The following MYO7A variants were observed in gnomAD, a reference collection of about 807,000 sequenced individuals.
The protein encoded by MYO7A is myosin VIIA, also known as unconventional myosin-VIIa.
MYO7A carries 210 observed loss-of-function variants against 263.8 expected under a neutral mutation model. That is an observed-to-expected ratio of 0.80 (90% confidence interval 0.71 to 0.89). MYO7A has a LOEUF of 0.89. MYO7A is among the 40% of genes least tolerant of loss of function. The pLI is 0.00. For missense variants in MYO7A, 2,820 were observed against 2,968.3 expected (o/e 0.95, Z 1.16); for synonymous variants, 1,239 against 1,197.3 (o/e 1.03, Z -0.72).
chr11:77,132,643 C>T (rs953721032), intron 2 of MYO7A, among the ~76,000 whole-genome samples: 1 of 152,144 alleles, frequency 6.6e-6, no homozygotes, highest in Admixed American at 6.5e-5. Context: ...CACCCGTCAC[C>T]ACGTCCAACT....
rs1591266081 is a variant in MYO7A at position 77,156,048 on chromosome 11, T to C, written c.427T>C (p.Phe143Leu). 6.2e-7 allele frequency: 1 copy of C among 1,613,990 alleles called. No homozygotes were observed. Among genetic ancestry groups the C allele is most frequent in the Non-Finnish European group, 8.5e-7 (1 of 1,179,894 alleles). Residue 143 changes from phenylalanine (F) to leucine (L), a missense_variant, in exon 5 of 49, where the codon TTC (phenylalanine) becomes CTC (leucine). Physicochemically the swap from Phe to Leu is conservative, Grantham distance 22. Transcript: ENST00000409709. ...CTTTGCCATTGCTGACAACTGCTACTTCAACATGAAACGCAACAGCCGAGA... is the reference window on the plus strand; with the variant it reads ...CTTTGCCATTGCTGACAACTGCTACCTCAACATGAAACGCAACAGCCGAGA... ...HIFAIADNCY[F>L]NMKRNSRDQC...
chr11:77,198,651 G>A, intron 34 of MYO7A, 30 bp downstream of exon 34: 10 of 1,612,718 alleles, frequency 6.2e-6, no homozygotes, highest in Non-Finnish European at 7.6e-6. Context: ...GATGCAGACA[G>A]ACAGAGGGGA....
Position 77,174,758 on chromosome 11 carries a change from G to A in MYO7A, c.1938G>A (p.Leu646=). The change falls in exon 17 of 49, where the codon CTG becomes CTA. Residue 646 remains leucine, a splice_region_variant and synonymous_variant. Coordinates refer to ENST00000409709, the MANE Select transcript of MYO7A (RefSeq NM_000260.4). ...GCCCTTGGCTGTGTGCCTGGCAGCT[G>A]TTCGACCGGCACCTGTGCGTGCGCC... The part of the protein sequence containing the change: ...IKPNEFKKPM[L]FDRHLCVRQL... 1 of 1,585,586 alleles carries A rather than the reference G, an allele frequency of 6.3e-7. No homozygotes were observed. Among genetic ancestry groups the A allele is most frequent in the Non-Finnish European group, 8.6e-7 (1 of 1,166,582 alleles).
At chr11:77,203,244 G>C (rs1463833994) in intron 38 of MYO7A, 27 bp downstream of exon 38, 1 of 1,544,176 alleles carries the variant, frequency 6.5e-7, no homozygotes, top group African/African-American at 1.4e-5. Context: ...GCTGTGCCCA[G>C]GGGAGCCAGG....
rs1950989201 is a variant in MYO7A, at chr11:77,138,278, C to T, written c.19-4431C>T. ...CACGGGATTAGGTGAATTAGGGAGC[C>T]GGAGCAGTGCCGCCGTCGCCGTCGC... is the stretch of plus-strand genomic sequence containing the variant. On this transcript the variant is annotated intron_variant, in intron 2 of 48. Transcript: ENST00000409709. The surrounding 1 kb of genome is among the most constrained non-coding windows in gnomAD (Gnocchi z 4.9). 6.6e-6 allele frequency among the ~76,000 whole-genome samples: 1 copy of T among 151,730 alleles called. No individual in the cohort carries two copies. The highest frequency in any genetic ancestry group is 6.6e-5 in the Admixed American group (1 of 15,258).
At chr11:77,148,076 C>T (rs1020741457) in intron 4 of MYO7A, 126 bp downstream of exon 4, 18 of 902,086 alleles carry the variant, frequency 2.0e-5, no homozygotes, top group African/African-American at 8.9e-5. Context: ...AGACTTTGTC[C>T]GCTGTGCAGC....
rs369539923 is a variant in MYO7A, at chr11:77,182,084, C to T, written c.3038C>T (p.Thr1013Ile). The T allele has an allele frequency of 3.7e-5, 60 of 1,613,382 alleles. No individual in the cohort carries two copies. In the African/African-American group the frequency reaches 6.8e-4, roughly 18 times the overall value. Residue 1013 changes from threonine (T) to isoleucine (I), a missense_variant, in exon 24 of 49, where the codon ACC becomes ATC. Thr to Ile is a moderately conservative substitution (Grantham distance 89). Coordinates refer to ENST00000409709, the MANE Select transcript of MYO7A (RefSeq NM_000260.4). ...KFAATYFQGT[T>I]THSYTRRPLK... is the part of the protein sequence containing the mutation. ...GCGGCCACCTACTTCCAGGGGACAA[C>T]CACGCACTCCTACACCCGGCGGCCA...
chr11:77,197,652 AGCCT>A (rs1385939670), intron 33 of MYO7A, 54 bp downstream of exon 33: 21 of 1,013,334 alleles, frequency 2.1e-5, no homozygotes, highest in Middle Eastern at 2.9e-4. Context: ...TCCAGCCCAC[AGCCT>A]ACAAATTCTC....
intron 1 of MYO7A, among the ~76,000 whole-genome samples, chr11:77,129,926 C>T (rs7116928): frequency 0.083 from 12,623 of 152,164 alleles, 574 homozygotes; most frequent in East Asian, 0.19. Flanking sequence ...GAGAAAAGAC[C>T]GAGGCATCAG....
chr11:77,211,014 A>G, intron 44 of MYO7A, 138 bp from the exon 45 acceptor site: 1 of 751,814 alleles, frequency 1.3e-6, no homozygotes, highest in Non-Finnish European at 2.1e-6. Context: ...GAGCAGTGTC[A>G]GCTGAGGCTG....
At chr11:77,181,926 A>G in intron 23 of MYO7A, 25 bp from the exon 24 acceptor site, 1 of 1,609,602 alleles carries the variant, frequency 6.2e-7, no homozygotes, top group Non-Finnish European at 8.5e-7. Flanking sequence ...CTGGGACTCC[A>G]GGGCATACCT....
intron 2 of MYO7A, among the ~76,000 whole-genome samples, chr11:77,132,954 G>T (rs782115438): frequency 6.6e-6 from 1 of 152,188 alleles, no homozygotes; most frequent in African/African-American, 2.4e-5. Context: ...GTTCTTTTTA[G>T]GACCAAGGAA....
In MYO7A at chr11:77,182,472, C is replaced by G. The variant is rs370104824; in HGVS notation, c.3157C>G (p.Pro1053Ala). ...ITILRFMGDL[P>A]EPKYHTAMSD... ...CATCCTCCGCTTCATGGGGGACCTCCCTGAGCCCAAGTACCACACAGCCAT... is the reference window on the plus strand; with the variant it reads ...CATCCTCCGCTTCATGGGGGACCTCGCTGAGCCCAAGTACCACACAGCCAT... Residue 1053 changes from proline (P) to alanine (A), a missense_variant, in exon 25 of 49, where the codon CCT becomes GCT. Transcript: ENST00000409709. 1.2e-6 allele frequency: 2 copies of G among 1,613,324 alleles called. No homozygotes were observed. The highest frequency in any genetic ancestry group is 1.7e-6 in the Non-Finnish European group (2 of 1,179,850).
At chr11:77,184,406 A>AGTT (rs1445797314) in intron 26 of MYO7A, among the ~76,000 whole-genome samples, 182 bp from the exon 27 acceptor site, 2 of 152,176 alleles carry the variant, frequency 1.3e-5, no homozygotes, top group African/African-American at 2.4e-5. Context: ...TGTGTGGGCC[A>AGTT]GTTATTGGCC....
In MYO7A at chr11:77,147,827, G is replaced by A. The variant is rs782185833; in HGVS notation, c.162G>A (p.Thr54=). The A allele has an allele frequency of 8.7e-6, 14 of 1,610,294 alleles. No homozygotes were observed. Among genetic ancestry groups the A allele is most frequent in the Non-Finnish European group, 1.1e-5 (13 of 1,178,948 alleles). ...ACTGGATCTCTCCGCAGAACGCAAC[G>A]CACATCAAGCCTATGCACCCCACGT... The part of the protein sequence containing the change: ...NEHWISPQNA[T]HIKPMHPTSV... The change falls in exon 4 of 49, where the codon ACG becomes ACA. Residue 54 remains threonine (T), a synonymous_variant. Transcript: ENST00000409709.
chr11:77,132,670 A>G (rs536494388), intron 2 of MYO7A, among the ~76,000 whole-genome samples: 4 of 152,236 alleles, frequency 2.6e-5, no homozygotes, highest in East Asian at 3.9e-4. Flanking sequence ...TGTATTTTTA[A>G]TAAAGACGGG....
intron 26 of MYO7A, 104 bp downstream of exon 26, chr11:77,183,261 T>C (rs1199276732): frequency 2.1e-6 from 2 of 974,936 alleles, no homozygotes; most frequent in African/African-American, 1.6e-5. Context: ...GGAGCAGGAG[T>C]GGACACTGTC....
chr11:77,200,074 G>A (rs554165946), intron 35 of MYO7A, among the ~76,000 whole-genome samples: 22 of 152,226 alleles, frequency 1.4e-4, no homozygotes, highest in African/African-American at 4.8e-4. Context: ...TTCAAGACCA[G>A]CCTGGGCAAC....
intron 12 of MYO7A, among the ~76,000 whole-genome samples, chr11:77,161,537 G>A (rs1259726697): frequency 1.3e-5 from 2 of 152,264 alleles, no homozygotes; most frequent in East Asian, 1.9e-4. Flanking sequence ...ACATACAGGC[G>A]GGTCCTGGAG....
Sources: gnomAD v4.1 joint callset for allele counts (sites outside exome capture counted in the v4.1 genomes callset) on GRCh38, gnomAD v4.1.1 for gene constraint, Gnocchi (gnomAD v3.1) non-coding constraint, MANE v1.5 for transcripts, NCBI Gene and HGNC (gene_info 2026-07-23, HGNC 2026-07-21) for gene names.